The following SRSF4 variants were observed in gnomAD, a reference collection of about 807,000 sequenced individuals.
SRSF4 encodes serine and arginine rich splicing factor 4, also known as serine/arginine-rich splicing factor 4.
Under a neutral mutation model 48.8 loss-of-function variants are expected in SRSF4, and 12 were observed. The observed-to-expected ratio is 0.25, with a 90% confidence interval of 0.16 to 0.40. The LOEUF is 0.40. Among genes scored for constraint, SRSF4 ranks in the 10% least tolerant of loss-of-function variants. The pLI, the probability that SRSF4 is intolerant of heterozygous loss-of-function variation, is 1.00. For synonymous variants in SRSF4, 248 were observed against 232.5 expected (o/e 1.07, Z -0.61); for missense variants, 466 against 667.1 (o/e 0.70, Z 3.32).
intron 1 of SRSF4, among the ~76,000 whole-genome samples, chr1:29,181,375 C>T (rs554390717): frequency 6.6e-6 from 1 of 152,248 alleles, no homozygotes; most frequent in Non-Finnish European, 1.5e-5. Context: ...TGCCCCCCTG[C>T]CCGGAGCACC....
At chr1:29,153,307 T>G (rs1315186335) in intron 4 of SRSF4, among the ~76,000 whole-genome samples, 1 of 151,864 alleles carries the variant, frequency 6.6e-6, no homozygotes, top group South Asian at 2.1e-4. Context: ...CTGGCTAATT[T>G]TTTTTTACTT....
Position 29,148,502 on chromosome 1 carries a change from C to G in SRSF4, c.1393G>C (p.Ala465Pro), listed in dbSNP as rs376754564. The change falls in exon 6 of 6, where the codon GCT (alanine) becomes CCT (proline). Residue 465 changes from alanine (A) to proline (P), a missense_variant. Ala to Pro is a conservative substitution (Grantham distance 27). Coordinates refer to ENST00000373795, the MANE Select transcript of SRSF4 (RefSeq NM_005626.5). ...TTGGACCGAGATCGGGTTTTTGAAGCTGACTTTGATCTGGAGCGTGATTCT... is the reference window on the plus strand; with the variant it reads ...TTGGACCGAGATCGGGTTTTTGAAGGTGACTTTGATCTGGAGCGTGATTCT... ...PSESRSRSKS[A>P]SKTRSRSKSR... The G allele has an allele frequency of 1.9e-6, 3 of 1,613,974 alleles. No individual in the cohort carries two copies. The South Asian group carries it at 3.3e-5, about 18-fold the overall frequency.
intron 1 of SRSF4, among the ~76,000 whole-genome samples, chr1:29,177,376 G>A (rs1383834811): frequency 6.6e-6 from 1 of 151,590 alleles, no homozygotes; most frequent in East Asian, 1.9e-4. Flanking sequence ...ATGCCTCTGA[G>A]GTTCAAGTGA....
At position 29,170,268 on chromosome 1, in the gene SRSF4, G is replaced by T. The variant is rs1211388669; in HGVS notation, c.108-9751C>A. 4 of 152,238 alleles carry T rather than the reference G, an allele frequency of 2.6e-5. No individual in the cohort carries two copies. In the Middle Eastern group the frequency reaches 0.01, roughly 388 times the overall value. 9.4% of individuals were successfully genotyped at this position (152,238 alleles called of 1,614,324 possible). A position where few individuals can be genotyped will look rare whatever the true frequency, so the allele number is the denominator to read the frequency against. ...AACGATTTGAAAAAACTCGAGAGAT[G>T]AAAGTCACATTACCAATTTAGAATA... is the stretch of plus-strand genomic sequence containing the variant. On this transcript the variant is annotated intron_variant, in intron 1 of 5. Coordinates refer to ENST00000373795, the MANE Select transcript of SRSF4 (RefSeq NM_005626.5).
At position 29,148,044 on chromosome 1, in the gene SRSF4, T is replaced by C; in HGVS notation, c.*366A>G. 2.1e-6 allele frequency: 1 copy of C among 477,874 alleles called. No homozygotes were observed. Among genetic ancestry groups the C allele is most frequent in the South Asian group, 1.5e-5 (1 of 64,722 alleles). 29.6% of individuals were successfully genotyped at this position (477,874 alleles called of 1,614,324 possible). A position where few individuals can be genotyped will look rare whatever the true frequency, so the allele number is the denominator to read the frequency against. On this transcript the variant is annotated 3_prime_UTR_variant, in exon 6 of 6. Coordinates refer to ENST00000373795, the MANE Select transcript of SRSF4 (RefSeq NM_005626.5). ...AATGGCATACATCGAAGGGCATCAA[T>C]TCAAGAGCAAAAATGGTTGAACTCA...
chr1:29,178,871 C>T (rs189712333), intron 1 of SRSF4, among the ~76,000 whole-genome samples: 1 of 152,282 alleles, frequency 6.6e-6, no homozygotes, highest in Admixed American at 6.5e-5. Context: ...TCCCAGAAGT[C>T]GTTTTCCTCT....
At chr1:29,153,887 C>G (rs1475887094) in intron 4 of SRSF4, among the ~76,000 whole-genome samples, 3 of 151,726 alleles carry the variant, frequency 2.0e-5, no homozygotes, top group Non-Finnish European at 4.4e-5. Flanking sequence ...AGGCGTGAGC[C>G]ACTGTGCCCG....
At chr1:29,156,974 T>C (rs1316398606) in intron 3 of SRSF4, among the ~76,000 whole-genome samples, 1 of 152,220 alleles carries the variant, frequency 6.6e-6, no homozygotes, top group African/African-American at 2.4e-5. Context: ...AGGAAGGCAG[T>C]GCGTCATACA....
chr1:29,149,051 T>G lies in SRSF4; in HGVS notation c.844A>C (p.Asn282His). 6.2e-7 allele frequency: 1 copy of G among 1,613,674 alleles called. No homozygotes were observed. Among genetic ancestry groups the G allele is most frequent in the South Asian group, 1.1e-5 (1 of 91,052 alleles). The part of the protein sequence containing the change: ...QAEEKIQNND[N>H]VGKPKSRSPS... ...CTCCGGCTCTTGGGTTTCCCGACAT[T>G]GTCATTGTTTTGGATCTTCTCTTCA... The change falls in exon 6 of 6, where the codon AAT becomes CAT. Residue 282 changes from asparagine (N) to histidine (H), a missense_variant. This residue lies in a region of SRSF4 where 402 missense variants were observed against 437.0 expected (regional missense o/e 0.92). Transcript: ENST00000373795.
chr1:29,181,504 C>T (rs1672956935), intron 1 of SRSF4, 142 bp downstream of exon 1: 2 of 666,264 alleles, frequency 3.0e-6, no homozygotes, highest in East Asian at 3.4e-5. Flanking sequence ...CCCGCGCCCC[C>T]GAGGCGCCGC....
chr1:29,171,779 T>A (rs1672748570), intron 1 of SRSF4: 1 of 152,176 alleles, frequency 6.6e-6, no homozygotes, highest in Admixed American at 6.5e-5. Flanking sequence ...CGAGTCTATA[T>A]CCTGTGCCTA....
chr1:29,159,353 A>G (rs1274627483), intron 3 of SRSF4, 21 bp downstream of exon 3: 1 of 1,587,648 alleles, frequency 6.3e-7, no homozygotes, highest in Non-Finnish European at 8.6e-7. Flanking sequence ...CCTTACCCCA[A>G]AAGGTTAATG....
chr1:29,155,726 C>A (rs1307969642), intron 3 of SRSF4, among the ~76,000 whole-genome samples: 2 of 152,152 alleles, frequency 1.3e-5, no homozygotes, highest in Non-Finnish European at 2.9e-5. Context: ...CTCCTGAGCT[C>A]AGGCAATCCA....
In SRSF4 at chr1:29,168,012, CT is replaced by C. The variant is rs5773233; in HGVS notation, c.108-7496del. On this transcript the variant is annotated intron_variant, in intron 1 of 5. Coordinates refer to ENST00000373795, the MANE Select transcript of SRSF4 (RefSeq NM_005626.5). ...GCTCTAAACCACAAGGTTCTAATTC[CT>C]TTTTTTTTTTTTTTTTAAAAAAAAC... is the stretch of plus-strand genomic sequence containing the variant. 2.0e-3 allele frequency among the ~76,000 whole-genome samples: 273 copies of C among 133,310 alleles called. 2 individuals carry two copies. Among genetic ancestry groups the C allele is most frequent in the East Asian group, 4.5e-3 (21 of 4,634 alleles). 87.5% of individuals were successfully genotyped at this position (133,310 alleles called of 152,430 possible).
At chr1:29,158,517 C>A (rs1359173718) in intron 3 of SRSF4, among the ~76,000 whole-genome samples, 1 of 151,836 alleles carries the variant, frequency 6.6e-6, no homozygotes, top group Non-Finnish European at 1.5e-5. Context: ...ACAACCTCCA[C>A]CTTCCAGGTT....
chr1:29,153,088 A>G (rs962307709), intron 4 of SRSF4, among the ~76,000 whole-genome samples: 4 of 152,062 alleles, frequency 2.6e-5, no homozygotes, highest in African/African-American at 9.7e-5. Context: ...GGTTTATTCA[A>G]TACTCATCTT....
At chr1:29,170,281 C>T (rs900791085) in intron 1 of SRSF4, 14 of 152,162 alleles carry the variant, frequency 9.2e-5, no homozygotes, top group African/African-American at 1.7e-4. Context: ...AGTCACATTA[C>T]CAATTTAGAA....
Position 29,148,835 on chromosome 1 carries a change from T to G in SRSF4, c.1060A>C (p.Arg354=), listed in dbSNP as rs1456347583. The change falls in exon 6 of 6, where the codon AGG becomes CGG. Residue 354 remains arginine, a synonymous_variant. Coordinates refer to ENST00000373795, the MANE Select transcript of SRSF4 (RefSeq NM_005626.5). ...TCTCTGCTTCTCTTCCTGCCCTTCCTCTTGTCCTTGCTCTTGCTGCGGCTC... is the reference window on the plus strand; with the variant it reads ...TCTCTGCTTCTCTTCCTGCCCTTCCGCTTGTCCTTGCTCTTGCTGCGGCTC... ...SRSRSKSKDK[R]KGRKRSREES... is the part of the protein sequence containing the mutation. 1 of 1,608,396 alleles carries G rather than the reference T, an allele frequency of 6.2e-7. No homozygotes were observed. Among genetic ancestry groups the G allele is most frequent in the Admixed American group, 1.7e-5 (1 of 59,158 alleles).
chr1:29,167,791 G>C (rs181220434), intron 1 of SRSF4, among the ~76,000 whole-genome samples: 6 of 152,202 alleles, frequency 3.9e-5, no homozygotes, highest in African/African-American at 1.4e-4. Context: ...TGGCTATTTA[G>C]CACAGTGCCT....
Sources: allele counts gnomAD v4.1 joint callset (sites outside exome capture counted in the v4.1 genomes callset), GRCh38; gene constraint gnomAD v4.1.1; regional missense constraint gnomAD v4.1.1; transcripts MANE v1.5; gene names NCBI Gene and HGNC (gene_info 2026-07-23, HGNC 2026-07-21).